The following HMCN1 variants were observed in gnomAD, a reference collection of about 807,000 sequenced individuals.
The protein encoded by HMCN1 is hemicentin 1.
In HMCN1, 321 loss-of-function variants were observed where a neutral mutation model predicts 625.9. The observed-to-expected ratio is 0.51, with a 90% CI of 0.47 to 0.56. HMCN1 has a LOEUF of 0.56. Ranked by LOEUF, HMCN1 falls within the 20% of genes least tolerant of loss-of-function variation. The probability of loss-of-function intolerance (pLI) is 0.00; values close to 1 mark genes in which losing one functional copy is unlikely to be tolerated. For synonymous variants in HMCN1, 2,425 were observed against 2,417.6 expected (o/e 1.00, Z -0.09); for missense variants, 6,588 against 6,887.3 (o/e 0.96, Z 1.54).
chr1:185,849,208 A>C (rs1662016338), intron 2 of HMCN1, among the ~76,000 whole-genome samples: 1 of 151,982 alleles, frequency 6.6e-6, no homozygotes, highest in South Asian at 2.1e-4. Context: ...CTGTATCCCC[A>C]CCCATCTCCT....
chr1:186,119,768 C>A lies in HMCN1; in HGVS notation c.11980C>A (p.Pro3994Thr). 6.2e-7 allele frequency: 1 copy of A among 1,613,978 alleles called. No homozygotes were observed. The highest frequency in any genetic ancestry group is 8.5e-7 in the Non-Finnish European group (1 of 1,179,916). Residue 3994 changes from proline to threonine, a missense_variant, in exon 79 of 107, where the codon CCA (proline) becomes ACA (threonine). Physicochemically the swap from Pro to Thr is conservative, Grantham distance 38. Transcript: ENST00000271588. ...VHEPPVIQPQ[P>T]SELHVILNNP... ...AGAGCCTCCAGTCATTCAGCCCCAA[C>A]CAAGTGAACTACACGTCATTCTGAA...
chr1:186,147,963 C>G (rs1443248265), intron 93 of HMCN1, among the ~76,000 whole-genome samples: 2 of 152,146 alleles, frequency 1.3e-5, no homozygotes, highest in African/African-American at 4.8e-5. Flanking sequence ...TCAATTGATT[C>G]TTCCTTTCAT....
rs751178909 is a variant in HMCN1, at chr1:186,076,591, G to A, written c.8454G>A (p.Leu2818=). ...TLTWYKDGHP[L]TSSDKVLILP... ...CATGGTACAAAGATGGCCACCCTCTGACCTCAAGTGATAAAGTATTGATTT... is the reference window on the plus strand; with the variant it reads ...CATGGTACAAAGATGGCCACCCTCTAACCTCAAGTGATAAAGTATTGATTT... Residue 2818 remains leucine, a synonymous_variant, in exon 54 of 107, where the codon CTG becomes CTA. Transcript: ENST00000271588. 2 of 1,613,706 alleles carry A rather than the reference G, an allele frequency of 1.2e-6. No individual in the cohort carries two copies. Among genetic ancestry groups the A allele is most frequent in the Non-Finnish European group, 1.7e-6 (2 of 1,179,790 alleles).
chr1:185,917,780 T>A (rs1431052599), intron 6 of HMCN1, among the ~76,000 whole-genome samples: 1 of 152,098 alleles, frequency 6.6e-6, no homozygotes, highest in Non-Finnish European at 1.5e-5. Flanking sequence ...AAGAAGTAAA[T>A]CCATCTGCAG....
At chr1:185,882,431 A>C (rs1339249919) in intron 4 of HMCN1, among the ~76,000 whole-genome samples, 2 of 151,130 alleles carry the variant, frequency 1.3e-5, no homozygotes, top group Non-Finnish European at 2.9e-5. Context: ...GAGTTTGTTT[A>C]GGGTAGATCT....
intron 71 of HMCN1, among the ~76,000 whole-genome samples, chr1:186,109,982 G>A (rs1367514070): frequency 6.6e-6 from 1 of 151,582 alleles, no homozygotes. Context: ...GAGGAGTCTA[G>A]GTTGATCCCA....
intron 4 of HMCN1, among the ~76,000 whole-genome samples, chr1:185,869,677 G>A (rs1304919684): frequency 1.3e-5 from 2 of 152,116 alleles, no homozygotes; most frequent in Non-Finnish European, 2.9e-5. Context: ...TTAATAGGAA[G>A]CATTGTGACA....
chr1:185,955,623 G>A (rs960676720), intron 11 of HMCN1, among the ~76,000 whole-genome samples: 6 of 152,152 alleles, frequency 3.9e-5, no homozygotes, highest in African/African-American at 1.4e-4. Flanking sequence ...TCATACTACT[G>A]TTAGGCAGGT....
chr1:185,919,210 A>G (rs1308577005), intron 6 of HMCN1, among the ~76,000 whole-genome samples: 1 of 151,810 alleles, frequency 6.6e-6, no homozygotes, highest in Non-Finnish European at 1.5e-5. Flanking sequence ...AATTAGCTTA[A>G]TTTTCTTTGC....
Position 186,115,342 on chromosome 1 carries a change from TACCAAA to T in HMCN1, c.11494_11499del (p.Lys3832_Pro3833del). Reference sequence around the variant, plus strand: ...ACTCTGGCTTGTGAGGCTACTGGGATACCAAAACCATCAATCAATTGGAGAAAAAAT... The same window carrying T: ...ACTCTGGCTTGTGAGGCTACTGGGATACCATCAATCAATTGGAGAAAAAAT... On this transcript the variant is annotated inframe_deletion, in exon 75 of 107. Transcript: ENST00000271588. The T allele has an allele frequency of 6.2e-7, 1 of 1,614,018 alleles. No individual in the cohort carries two copies. The highest frequency in any genetic ancestry group is 8.5e-7 in the Non-Finnish European group (1 of 1,179,948).
chr1:185,945,635 G>A (rs920459996), intron 11 of HMCN1, among the ~76,000 whole-genome samples: 1 of 152,202 alleles, frequency 6.6e-6, no homozygotes, highest in Non-Finnish European at 1.5e-5. Context: ...GAAGGGCTTT[G>A]CAGAGGTGAT....
intron 100 of HMCN1, among the ~76,000 whole-genome samples, chr1:186,167,891 C>A (rs929495894): frequency 1.3e-5 from 2 of 152,124 alleles, no homozygotes. Context: ...TGAAGGACAT[C>A]TCAATTGCCT....
intron 86 of HMCN1, among the ~76,000 whole-genome samples, chr1:186,136,302 A>G (rs1485638891): frequency 6.6e-6 from 1 of 152,210 alleles, no homozygotes; most frequent in African/African-American, 2.4e-5. Context: ...ACCTTGTTCA[A>G]AAGTTGTAGT....
intron 16 of HMCN1, among the ~76,000 whole-genome samples, chr1:185,978,531 A>AAAT (rs1255512807): frequency 2.0e-5 from 3 of 152,142 alleles, no homozygotes; most frequent in African/African-American, 7.2e-5. Context: ...CTATTTTTTC[A>AAAT]AATAATGCTA....
intron 18 of HMCN1, among the ~76,000 whole-genome samples, chr1:185,983,412 C>T (rs906422690): frequency 7.3e-5 from 11 of 151,170 alleles, no homozygotes; most frequent in African/African-American, 2.7e-4. Flanking sequence ...GGTGACAGAG[C>T]AAGACTCCGT....
At chr1:185,820,920 G>A (rs562912997) in intron 1 of HMCN1, among the ~76,000 whole-genome samples, 1 of 152,196 alleles carries the variant, frequency 6.6e-6, no homozygotes, top group Admixed American at 6.5e-5. Context: ...ATTTTAATAT[G>A]TGGATTTTGA....
chr1:186,175,891 AGAAAG>A lies in HMCN1; in HGVS notation c.15943+1250_15943+1254del, dbSNP rs1280854494. 2.9e-3 allele frequency among the ~76,000 whole-genome samples: 363 copies of A among 126,214 alleles called. 3 individuals are homozygous for A. Among genetic ancestry groups the A allele is most frequent in the African/African-American group, 4.6e-3 (149 of 32,704 alleles). The allele number at this position is 126,214 out of a possible 152,430, so 82.8% of individuals were successfully genotyped here. On this transcript the variant is annotated intron_variant, in intron 103 of 106. Transcript: ENST00000271588. The stretch of plus-strand genomic sequence containing the variant: ...AACTATGTCTCAAAAAAAAAAAAAA[AGAAAG>A]AAAAGAAAAGAAAAGAAAGAAAGAA...
At chr1:186,169,364 A>G (rs1402576344) in intron 100 of HMCN1, among the ~76,000 whole-genome samples, 1 of 152,224 alleles carries the variant, frequency 6.6e-6, no homozygotes, top group African/African-American at 2.4e-5. Context: ...GTGGAACCAA[A>G]AAAGAGCCCG....
rs777180275 is a variant in HMCN1, at chr1:185,990,338, T to A, written c.3272T>A (p.Val1091Asp). Residue 1091 changes from valine (V) to aspartate (D), a missense_variant, in exon 22 of 107, where the codon GTC becomes GAC. Transcript: ENST00000271588. Reference sequence around the variant, plus strand: ...CAGGATAAGCCTGTTGAGATCTCCGTCCTTGCAGGGGAAGAGGTAACACTT... The same window carrying A: ...CAGGATAAGCCTGTTGAGATCTCCGACCTTGCAGGGGAAGAGGTAACACTT... ...LSQDKPVEIS[V>D]LAGEEVTLPC... 6.2e-7 allele frequency: 1 copy of A among 1,613,938 alleles called. No individual in the cohort carries two copies. Among genetic ancestry groups the A allele is most frequent in the East Asian group, 2.2e-5 (1 of 44,878 alleles).
Sources: allele counts gnomAD v4.1 joint callset (sites outside exome capture counted in the v4.1 genomes callset), GRCh38; gene constraint gnomAD v4.1.1; transcripts MANE v1.5; gene names NCBI Gene and HGNC (gene_info 2026-07-23, HGNC 2026-07-21).